The following UBE2W variants were observed in gnomAD, a reference collection of about 807,000 sequenced individuals.
UBE2W encodes the protein ubiquitin-conjugating enzyme E2 W.
A neutral mutation model predicts 27.2 loss-of-function variants in UBE2W; 18 were observed. The observed-to-expected ratio is 0.66, with a 90% CI of 0.46 to 0.98. The LOEUF is 0.98. Among genes scored for constraint, UBE2W ranks in the 50% least tolerant of loss-of-function variants. UBE2W has a pLI of 0.00. For synonymous variants in UBE2W, 53 were observed against 57.2 expected (o/e 0.93, Z 0.33); for missense variants, 90 against 180.2 (o/e 0.50, Z 2.87).
intron 3 of UBE2W, among the ~76,000 whole-genome samples, chr8:73,817,682 T>TA (rs963217049): frequency 6.6e-6 from 1 of 152,158 alleles, no homozygotes; most frequent in African/African-American, 2.4e-5. Context: ...CATGCCCAGC[T>TA]AATTTTTGCA....
At chr8:73,808,961 C>T (rs1158384011) in intron 4 of UBE2W, among the ~76,000 whole-genome samples, 1 of 152,166 alleles carries the variant, frequency 6.6e-6, no homozygotes, top group African/African-American at 2.4e-5. Flanking sequence ...TCATGAGGCA[C>T]ATGCAAGACT....
rs1262184843 is a variant in UBE2W, at chr8:73,787,744, A to G, written c.*6358T>C. ...TTAAGTCATTAGTTGATCTGTTTGT[A>G]TACTCCAGAAAGCATCCAGAAGTTC... On this transcript the variant is annotated 3_prime_UTR_variant, in exon 6 of 6. Coordinates refer to ENST00000602593, the MANE Select transcript of UBE2W (RefSeq NM_018299.6). 4.1e-6 allele frequency: 4 copies of G among 985,304 alleles called. No homozygotes were observed. Among genetic ancestry groups the G allele is most frequent in the South Asian group, 4.7e-5 (1 of 21,288 alleles). The allele number at this position is 985,304 out of a possible 1,614,324, so 61.0% of individuals were successfully genotyped here.
chr8:73,871,012 A>T (rs1366112281), intron 1 of UBE2W, among the ~76,000 whole-genome samples: 2 of 152,108 alleles, frequency 1.3e-5, no homozygotes, highest in African/African-American at 4.8e-5. Flanking sequence ...TCTGAGGAAG[A>T]GAGGGAAGTC....
At chr8:73,794,871 A>T in intron 5 of UBE2W, among the ~76,000 whole-genome samples, 1 of 138,218 alleles carries the variant, frequency 7.2e-6, no homozygotes, top group East Asian at 2.1e-4. Flanking sequence ...AAAAAAAAAG[A>T]AAAAAAAAAA....
chr8:73,793,881 C>T lies in UBE2W; in HGVS notation c.*221G>A. 1 of 1,353,332 alleles carries T rather than the reference C, an allele frequency of 7.4e-7. No homozygotes were observed. Among genetic ancestry groups the T allele is most frequent in the Middle Eastern group, 2.8e-4 (1 of 3,558 alleles). The allele number at this position is 1,353,332 out of a possible 1,614,324, so 83.8% of individuals were successfully genotyped here. ...TATATTTGACATTTCCTGACACCTGCATTAATACTGTATGACTAATAAAAG... is the reference window on the plus strand; with the variant it reads ...TATATTTGACATTTCCTGACACCTGTATTAATACTGTATGACTAATAAAAG... On this transcript the variant is annotated 3_prime_UTR_variant, in exon 6 of 6. Transcript: ENST00000602593.
chr8:73,844,961 G>A (rs1307452929), intron 1 of UBE2W, among the ~76,000 whole-genome samples: 8 of 151,616 alleles, frequency 5.3e-5, no homozygotes, highest in Admixed American at 1.3e-4. Context: ...CAGCCGCCCC[G>A]TCTGGGAAGC....
rs550870717 is a variant in UBE2W, at chr8:73,827,191, A to G, written c.108-1942T>C. On this transcript the variant is annotated intron_variant, in intron 2 of 5. Transcript: ENST00000602593. ...ATACTGACACGAGGTCAAAGGCAGC[A>G]TAACTTTCAACATGGTGCGTGGTAC... Among the ~76,000 whole-genome samples the G allele has an allele frequency of 1.6e-4, 25 of 152,266 alleles. No homozygotes were observed. The South Asian group carries it at 2.7e-3, about 16-fold the overall frequency.
At chr8:73,784,182 C>T (rs1807895034), downstream of UBE2W, among the ~76,000 whole-genome samples, 1 of 152,138 alleles carries the variant, frequency 6.6e-6, no homozygotes, top group Non-Finnish European at 1.5e-5. Flanking sequence ...AAATACTCAT[C>T]CTGCAGTTTG....
intron 1 of UBE2W, among the ~76,000 whole-genome samples, chr8:73,874,686 T>G (rs1167247334): frequency 2.0e-5 from 3 of 152,234 alleles, no homozygotes; most frequent in Non-Finnish European, 4.4e-5. Flanking sequence ...ATTTAAAGAT[T>G]TTTAGAATTA....
chr8:73,812,379 T>G (rs1320491409), intron 3 of UBE2W, among the ~76,000 whole-genome samples: 1 of 151,884 alleles, frequency 6.6e-6, no homozygotes, highest in Non-Finnish European at 1.5e-5. Flanking sequence ...CATCTATCGG[T>G]GCTAGTACCC....
At chr8:73,817,934 T>C (rs1026601190) in intron 3 of UBE2W, among the ~76,000 whole-genome samples, 17 of 152,264 alleles carry the variant, frequency 1.1e-4, no homozygotes, top group African/African-American at 3.9e-4. Flanking sequence ...TCCACTCTCA[T>C]CTCCTGCTGT....
intron 1 of UBE2W, among the ~76,000 whole-genome samples, chr8:73,856,733 TGTTGCTCTATTGTCCAGA>T (rs1323641746): frequency 1.3e-5 from 2 of 150,934 alleles, no homozygotes; most frequent in Non-Finnish European, 3.0e-5. Flanking sequence ...TGAGACAGGG[TGTTGCTCTATTGTCCAGA>T]CTGGAGTGCA....
intron 3 of UBE2W, among the ~76,000 whole-genome samples, chr8:73,813,652 G>A (rs540672711): frequency 4.5e-4 from 69 of 152,086 alleles, no homozygotes; most frequent in African/African-American, 1.4e-3. Context: ...CATGCCAGAG[G>A]TGAATTTACA....
At chr8:73,834,256 T>C (rs1049866996) in intron 1 of UBE2W, among the ~76,000 whole-genome samples, 3 of 152,204 alleles carry the variant, frequency 2.0e-5, no homozygotes, top group African/African-American at 7.2e-5. Flanking sequence ...ATCACTGTAA[T>C]GGACTTTAAA....
rs368761267 is a variant in UBE2W, at chr8:73,857,743, G to A, written c.15+21065C>T. Among the ~76,000 whole-genome samples the A allele has an allele frequency of 1.7e-4, 26 of 152,244 alleles. No homozygotes were observed. In the South Asian group the frequency reaches 5.4e-3, roughly 32 times the overall value. On this transcript the variant is annotated intron_variant, in intron 1 of 5. Coordinates refer to ENST00000602593, the MANE Select transcript of UBE2W (RefSeq NM_018299.6). ...AGGCAGGAAAACTGCTTGAACCCGGGAGGTGGAGGTTGCAGTGAGCCGAAA... is the reference window on the plus strand; with the variant it reads ...AGGCAGGAAAACTGCTTGAACCCGGAAGGTGGAGGTTGCAGTGAGCCGAAA...
intron 1 of UBE2W, among the ~76,000 whole-genome samples, chr8:73,869,520 G>A (rs749782803): frequency 4.6e-4 from 70 of 152,114 alleles, no homozygotes; most frequent in Non-Finnish European, 7.9e-4. Flanking sequence ...GTGAAACCCC[G>A]TCTCTACTAA....
chr8:73,855,023 G>C (rs1170243116), intron 1 of UBE2W, among the ~76,000 whole-genome samples: 1 of 152,186 alleles, frequency 6.6e-6, no homozygotes, highest in African/African-American at 2.4e-5. Flanking sequence ...TATCTGAAAT[G>C]GTGGGCAACC....
Position 73,787,620 on chromosome 8 carries a change from G to C in UBE2W, c.*6482C>G, listed in dbSNP as rs1286399878. On this transcript the variant is annotated 3_prime_UTR_variant, in exon 6 of 6. Coordinates refer to ENST00000602593, the MANE Select transcript of UBE2W (RefSeq NM_018299.6). The stretch of plus-strand genomic sequence containing the variant: ...GCAGAAAAGCTTAGAATTACCAGCA[G>C]AGCATATTTAATTCCTCCTGTCAGG... 1.0e-6 allele frequency: 1 copy of C among 985,252 alleles called. No homozygotes were observed. The highest frequency in any genetic ancestry group is 6.2e-5 in the Admixed American group (1 of 16,258). 61.0% of individuals were successfully genotyped at this position (985,252 alleles called of 1,614,324 possible).
chr8:73,849,698 A>G (rs1810991646), intron 1 of UBE2W, among the ~76,000 whole-genome samples: 1 of 152,022 alleles, frequency 6.6e-6, no homozygotes, highest in Non-Finnish European at 1.5e-5. Context: ...ATTACTCATT[A>G]AAAATTTGAC....
Sources: gnomAD v4.1 joint callset for allele counts (sites outside exome capture counted in the v4.1 genomes callset) on GRCh38, gnomAD v4.1.1 for gene constraint, MANE v1.5 for transcripts, NCBI Gene and HGNC (gene_info 2026-07-23, HGNC 2026-07-21) for gene names.